Variants in CCDC7 observed in about 807,000 individuals in gnomAD.
CCDC7 encodes the protein coiled-coil domain containing 7, also known as coiled-coil domain-containing protein 7.
A neutral mutation model predicts 196.9 loss-of-function variants in CCDC7; 183 were observed. The ratio of observed to expected loss-of-function variants is 0.93; its 90% CI spans 0.82 to 1.05. The LOEUF (loss-of-function observed/expected upper bound fraction) is 1.05. CCDC7 is among the 50% of genes least tolerant of loss of function. The probability of loss-of-function intolerance (pLI) is 0.00; values close to 1 mark genes in which losing one functional copy is unlikely to be tolerated. For missense variants in CCDC7, 1,540 were observed against 1,482.2 expected, an observed-to-expected ratio of 1.04 and a Z score of -0.64; for synonymous variants, 525 against 484.6, an observed-to-expected ratio of 1.08 and a Z score of -1.10.
At chr10:32,581,373 A>G (rs2058712225) in intron 16 of CCDC7, among the ~76,000 whole-genome samples, 2 of 152,144 alleles carry the variant, frequency 1.3e-5, no homozygotes, top group Non-Finnish European at 2.9e-5. Flanking sequence ...CTTTGTGGCT[A>G]TAGGCTGCCT....
At chr10:32,858,517 G>C (rs2093844892) in intron 41 of CCDC7, among the ~76,000 whole-genome samples, 1 of 152,144 alleles carries the variant, frequency 6.6e-6, no homozygotes, top group Non-Finnish European at 1.5e-5. Context: ...AGGGCTGGTT[G>C]ATCATGGGTA....
chr10:32,704,960 C>T (rs1409475900), intron 24 of CCDC7, among the ~76,000 whole-genome samples: 1 of 152,168 alleles, frequency 6.6e-6, no homozygotes, highest in Non-Finnish European at 1.5e-5. Context: ...CTTGCACTTC[C>T]CGGGTGAGGC....
intron 11 of CCDC7, among the ~76,000 whole-genome samples, chr10:32,519,265 T>C (rs1392577568): frequency 7.2e-5 from 11 of 152,138 alleles, no homozygotes; most frequent in Admixed American, 7.2e-4. Context: ...CTAAAAATAG[T>C]AAATTGTCAT....
chr10:32,637,710 T>C (rs1278894481), intron 20 of CCDC7, among the ~76,000 whole-genome samples: 1 of 152,128 alleles, frequency 6.6e-6, no homozygotes, highest in African/African-American at 2.4e-5. Context: ...CTTGGTGATG[T>C]GGGCTCTTTT....
At chr10:32,586,732 A>G (rs983847266) in intron 18 of CCDC7, among the ~76,000 whole-genome samples, 3 of 152,090 alleles carry the variant, frequency 2.0e-5, no homozygotes, top group African/African-American at 7.2e-5. Context: ...CCATTGGTCT[A>G]TGTATCTGTT....
At chr10:32,870,964 A>G (rs1050525935) in intron 41 of CCDC7, among the ~76,000 whole-genome samples, 1 of 152,138 alleles carries the variant, frequency 6.6e-6, no homozygotes, top group Non-Finnish European at 1.5e-5. Flanking sequence ...CATGGTGGAT[A>G]AGCTTTTTGA....
At chr10:32,689,827 C>T (rs966489364) in intron 23 of CCDC7, among the ~76,000 whole-genome samples, 20 of 152,138 alleles carry the variant, frequency 1.3e-4, no homozygotes, top group African/African-American at 4.3e-4. Flanking sequence ...CTCCGCCTCC[C>T]GGGCTCAAGT....
At chr10:32,616,266 A>C (rs2062758451) in intron 18 of CCDC7, among the ~76,000 whole-genome samples, 1 of 151,920 alleles carries the variant, frequency 6.6e-6, no homozygotes. Flanking sequence ...TCATTTCAAT[A>C]ATATTGTTTC....
At chr10:32,605,457 A>G (rs1403721254) in intron 18 of CCDC7, among the ~76,000 whole-genome samples, 2 of 152,196 alleles carry the variant, frequency 1.3e-5, no homozygotes, top group African/African-American at 4.8e-5. Flanking sequence ...GAAGAACAAG[A>G]GGATGAGGGA....
At chr10:32,661,126 C>G (rs1163502857) in intron 20 of CCDC7, among the ~76,000 whole-genome samples, 9 of 151,370 alleles carry the variant, frequency 5.9e-5, no homozygotes, top group African/African-American at 1.7e-4. Context: ...AACAAATTTA[C>G]AAGAAAAAAA....
At chr10:32,474,172 A>G (rs1300079933) in intron 8 of CCDC7, 149 bp downstream of exon 9, 1 of 439,070 alleles carries the variant, frequency 2.3e-6, no homozygotes, top group Non-Finnish European at 3.7e-6. Context: ...CAAGTATTGA[A>G]ATTCTTAGTT....
rs139464101 is a variant in CCDC7, at chr10:32,839,639, C to G, written c.3352+4741C>G. Reference sequence around the variant, plus strand: ...AGAAACAATGAACTTGAACTCTACCCTACAACAAATGGACTTAACAGATAT... The same window carrying G: ...AGAAACAATGAACTTGAACTCTACCGTACAACAAATGGACTTAACAGATAT... On this transcript the variant is annotated intron_variant, in intron 33 of 41. Transcript: ENST00000639629. Among the ~76,000 whole-genome samples the G allele has an allele frequency of 5.2e-4, 79 of 152,074 alleles. 1 individual carries two copies. The highest frequency in any genetic ancestry group is 3.2e-3 in the Admixed American group (48 of 15,220).
intron 24 of CCDC7, among the ~76,000 whole-genome samples, chr10:32,700,146 T>A (rs369638519): frequency 1.3e-5 from 2 of 149,472 alleles, no homozygotes; most frequent in Non-Finnish European, 2.9e-5. Context: ...ATGTCCTGAA[T>A]GGTATTGCCT....
chr10:32,882,105 G>A (rs757646604), downstream of CCDC7, among the ~76,000 whole-genome samples: 8 of 152,136 alleles, frequency 5.3e-5, no homozygotes, highest in Non-Finnish European at 1.2e-4. Flanking sequence ...GATAAACATG[G>A]TAAGGAAGAC....
At chr10:32,713,051 G>A (rs559376435) in intron 25 of CCDC7, among the ~76,000 whole-genome samples, 1 of 152,260 alleles carries the variant, frequency 6.6e-6, no homozygotes, top group South Asian at 2.1e-4. Flanking sequence ...CATATCCCAC[G>A]AAATACCTGG....
rs532108672 is a variant in CCDC7 at position 32,751,017 on chromosome 10, C to T, written c.2905+21560C>T. Among the ~76,000 whole-genome samples, 20 of 152,220 alleles carry T rather than the reference C, an allele frequency of 1.3e-4. No homozygotes were observed. In the East Asian group the frequency reaches 3.7e-3, roughly 28 times the overall value. On this transcript the variant is annotated intron_variant, in intron 28 of 41. Transcript: ENST00000639629. ...AATTAATGGACAGAAATCATTGCCA[C>T]AGTTGCCATTTCTATAACTAGTTAT...
At chr10:32,485,130 G>T (rs2040772858) in intron 8 of CCDC7, among the ~76,000 whole-genome samples, 1 of 152,150 alleles carries the variant, frequency 6.6e-6, no homozygotes, top group Admixed American at 6.5e-5. Flanking sequence ...TCTGGTCCTG[G>T]ACTTTTTTTG....
chr10:32,470,511 C>T (rs967713378), intron 5 of CCDC7, among the ~76,000 whole-genome samples: 8 of 152,072 alleles, frequency 5.3e-5, no homozygotes, highest in African/African-American at 1.9e-4. Context: ...GTGAATCTTG[C>T]TGTTTCTTTC....
chr10:32,446,377 G>T (rs2030975429), exon 1 of CCDC7: 1 of 152,266 alleles, frequency 6.6e-6, no homozygotes, highest in Admixed American at 6.5e-5. Context: ...CCAGTCACCC[G>T]ACTTCCCACA....
Sources: allele counts gnomAD v4.1 joint callset (sites outside exome capture counted in the v4.1 genomes callset), GRCh38; gene constraint gnomAD v4.1.1; transcripts MANE v1.5; gene names NCBI Gene and HGNC (gene_info 2026-07-23, HGNC 2026-07-21).